The following NXPH1 variants were observed in gnomAD, a reference collection of about 807,000 sequenced individuals.
The protein encoded by NXPH1 is neurexophilin-1.
A neutral mutation model predicts 23.7 loss-of-function variants in NXPH1; 5 were observed. The observed-to-expected ratio is 0.21, with a 90% CI of 0.11 to 0.44. NXPH1 has a LOEUF of 0.44. Ranked by LOEUF, NXPH1 falls within the 20% of genes least tolerant of loss-of-function variation. The probability of loss-of-function intolerance (pLI) is 0.99; values close to 1 mark genes in which losing one functional copy is unlikely to be tolerated. For synonymous variants in NXPH1, 144 were observed against 122.2 expected, an observed-to-expected ratio of 1.18 and a Z score of -1.18; for missense variants, 324 against 321.6, an observed-to-expected ratio of 1.01 and a Z score of -0.06.
chr7:8,508,502 C>G (rs1033974791), intron 2 of NXPH1, among the ~76,000 whole-genome samples: 1 of 152,104 alleles, frequency 6.6e-6, no homozygotes, highest in Non-Finnish European at 1.5e-5. Context: ...GCTATATTAT[C>G]GTTAAAGAGT....
intron 2 of NXPH1, among the ~76,000 whole-genome samples, chr7:8,601,578 C>A (rs112689460): frequency 3.9e-5 from 6 of 152,100 alleles, no homozygotes; most frequent in African/African-American, 1.4e-4. Context: ...TGATGTTGAC[C>A]CTTGTCCTCA....
rs187744580 is a variant in NXPH1 at position 8,606,704 on chromosome 7, A to G, written c.55-144304A>G. Among the ~76,000 whole-genome samples, 14 of 152,242 alleles carry G rather than the reference A, an allele frequency of 9.2e-5. No homozygotes were observed. In the East Asian group the frequency reaches 2.5e-3, roughly 27 times the overall value. Reference sequence around the variant, plus strand: ...ATGAATTGCCTCTGCCATATTGTAAACTTGACATATTTGCCCAGGGTCTTT... The same window carrying G: ...ATGAATTGCCTCTGCCATATTGTAAGCTTGACATATTTGCCCAGGGTCTTT... On this transcript the variant is annotated intron_variant, in intron 2 of 2. Transcript: ENST00000405863.
intron 2 of NXPH1, among the ~76,000 whole-genome samples, chr7:8,450,307 G>A (rs1274388797): frequency 6.6e-6 from 1 of 152,010 alleles, no homozygotes; most frequent in South Asian, 2.1e-4. Flanking sequence ...GGATTTAAAA[G>A]GGGATGCAAA....
intron 2 of NXPH1, among the ~76,000 whole-genome samples, chr7:8,666,776 A>C (rs1820774755): frequency 6.6e-6 from 1 of 151,942 alleles, no homozygotes; most frequent in Non-Finnish European, 1.5e-5. Context: ...ATGTCTAGTA[A>C]TTTATCAATT....
At chr7:8,568,908 G>A (rs1315100840) in intron 2 of NXPH1, among the ~76,000 whole-genome samples, 1 of 151,826 alleles carries the variant, frequency 6.6e-6, no homozygotes, top group African/African-American at 2.4e-5. Flanking sequence ...CAATGCAACA[G>A]GGATTTGATC....
intron 2 of NXPH1, among the ~76,000 whole-genome samples, chr7:8,536,607 C>A (rs1818030042): frequency 8.9e-6 from 1 of 112,614 alleles, no homozygotes; most frequent in Admixed American, 9.5e-5. Context: ...CATTGGTAGA[C>A]TTAAAAAAAG....
At chr7:8,503,757 C>T (rs906007104) in intron 2 of NXPH1, among the ~76,000 whole-genome samples, 3 of 152,012 alleles carry the variant, frequency 2.0e-5, no homozygotes, top group Non-Finnish European at 4.4e-5. Context: ...CCTATGAACA[C>T]GGCCTGCCTA....
At chr7:8,684,964 G>A (rs17151634) in intron 2 of NXPH1, among the ~76,000 whole-genome samples, 50,202 of 151,958 alleles carry the variant, frequency 0.33, 8,397 homozygotes, top group East Asian at 0.44. Flanking sequence ...ATGTTGCACT[G>A]TATAACTACA....
intron 2 of NXPH1, among the ~76,000 whole-genome samples, chr7:8,699,613 T>C (rs867323897): frequency 2.0e-5 from 3 of 152,162 alleles, no homozygotes; most frequent in African/African-American, 7.2e-5. Flanking sequence ...TTAAGAAAGA[T>C]AGTTGCTAGG....
At chr7:8,512,986 C>G (rs1181777248) in intron 2 of NXPH1, among the ~76,000 whole-genome samples, 1 of 152,074 alleles carries the variant, frequency 6.6e-6, no homozygotes. Context: ...GAAGATGAAG[C>G]TATACAGTAT....
chr7:8,554,454 T>C (rs1584228973), intron 2 of NXPH1, among the ~76,000 whole-genome samples: 1 of 151,554 alleles, frequency 6.6e-6, no homozygotes, highest in South Asian at 2.1e-4. Context: ...GATGTACATG[T>C]TTTTGGGTGT....
intron 2 of NXPH1, among the ~76,000 whole-genome samples, chr7:8,466,810 CT>C (rs1816794147): frequency 6.6e-6 from 1 of 152,118 alleles, no homozygotes; most frequent in Non-Finnish European, 1.5e-5. Context: ...CGACCTGCCC[CT>C]CCCACCCTGC....
chr7:8,640,845 T>C (rs529541879), intron 2 of NXPH1, among the ~76,000 whole-genome samples: 14 of 152,144 alleles, frequency 9.2e-5, no homozygotes, highest in African/African-American at 3.4e-4. Context: ...TCCCAATGAC[T>C]CATGGGGCTG....
At chr7:8,505,117 A>T (rs1817500698) in intron 2 of NXPH1, among the ~76,000 whole-genome samples, 1 of 151,996 alleles carries the variant, frequency 6.6e-6, no homozygotes, top group East Asian at 1.9e-4. Flanking sequence ...TTTTGGTTAA[A>T]TGTCTGATTT....
chr7:8,701,716 C>G (rs572946521), intron 2 of NXPH1, among the ~76,000 whole-genome samples: 1 of 152,066 alleles, frequency 6.6e-6, no homozygotes, highest in African/African-American at 2.4e-5. Context: ...TTTGTATCCT[C>G]AGAACCTAGC....
At chr7:8,691,755 A>T (rs956784584) in intron 2 of NXPH1, among the ~76,000 whole-genome samples, 1 of 152,202 alleles carries the variant, frequency 6.6e-6, no homozygotes, top group Non-Finnish European at 1.5e-5. Context: ...GGTGAGTAAG[A>T]TAGGCATGTT....
intron 2 of NXPH1, among the ~76,000 whole-genome samples, chr7:8,570,596 C>G (rs1443205397): frequency 6.6e-6 from 1 of 151,810 alleles, no homozygotes; most frequent in African/African-American, 2.4e-5. Context: ...CTGAGGGGAT[C>G]ATAGAAGTTT....
intron 2 of NXPH1, among the ~76,000 whole-genome samples, chr7:8,629,409 G>A (rs1031254048): frequency 6.6e-6 from 1 of 152,074 alleles, no homozygotes; most frequent in African/African-American, 2.4e-5. Context: ...ACTAAGAAAA[G>A]TGAATTGGTG....
At chr7:8,571,155 T>C (rs1018561128) in intron 2 of NXPH1, among the ~76,000 whole-genome samples, 2 of 151,770 alleles carry the variant, frequency 1.3e-5, no homozygotes, top group Admixed American at 6.6e-5. Flanking sequence ...TTTAACAAGA[T>C]CTCCAGGTGA....
Sources: gnomAD v4.1 joint callset for allele counts (sites outside exome capture counted in the v4.1 genomes callset) on GRCh38, gnomAD v4.1.1 for gene constraint, MANE v1.5 for transcripts, NCBI Gene and HGNC (gene_info 2026-07-23, HGNC 2026-07-21) for gene names.